Variants in AMD1 observed in about 807,000 individuals in gnomAD.
The protein encoded by AMD1 is adenosylmethionine decarboxylase 1.
Under a neutral mutation model 40.2 loss-of-function variants are expected in AMD1, and 11 were observed. That is an observed-to-expected ratio of 0.27 (90% CI 0.17 to 0.45). The LOEUF (loss-of-function observed/expected upper bound fraction) is 0.45. AMD1 is among the 20% of genes least tolerant of loss of function. The pLI is 1.00. For synonymous variants in AMD1, 121 were observed against 130.8 expected, an observed-to-expected ratio of 0.93 and a Z score of 0.51; for missense variants, 257 against 410.2, an observed-to-expected ratio of 0.63 and a Z score of 3.23.
At chr6:110,824,804 G>T in the AMD1 span, among the ~76,000 whole-genome samples, 5 of 152,174 alleles carry the variant, frequency 3.3e-5, no homozygotes. Context: ...TGGAAAGTAA[G>T]TAGAGTGAAC....
the AMD1 span, among the ~76,000 whole-genome samples, chr6:110,837,891 C>T: frequency 4.8e-5 from 7 of 144,844 alleles, no homozygotes; most frequent in Non-Finnish European, 9.1e-5. Context: ...GGTGAAGCCC[C>T]GTCTCTACTA....
At chr6:110,815,311 G>A in the AMD1 span, 3 of 585,202 alleles carry the variant, frequency 5.1e-6, no homozygotes, top group South Asian at 4.1e-5. Context: ...CTCCTCGGCG[G>A]CCACAGCAGC....
chr6:110,877,381 T>G (rs1785171725), intron 1 of AMD1, among the ~76,000 whole-genome samples: 1 of 152,250 alleles, frequency 6.6e-6, no homozygotes, highest in East Asian at 1.9e-4. Context: ...TAAAAAAGCC[T>G]GAAATAGTAG....
chr6:110,850,168 TA>T, the AMD1 span, among the ~76,000 whole-genome samples: 2 of 151,050 alleles, frequency 1.3e-5, no homozygotes, highest in African/African-American at 4.9e-5. Context: ...AAAATTAAAC[TA>T]AAAAAAAGAA....
chr6:110,870,982 A>T (rs1174742994), upstream of AMD1, among the ~76,000 whole-genome samples: 1 of 152,236 alleles, frequency 6.6e-6, no homozygotes, highest in Admixed American at 6.5e-5. Context: ...CATTTAAGCT[A>T]AGATCTAAAT....
the AMD1 span, among the ~76,000 whole-genome samples, chr6:110,833,117 G>A: frequency 1.3e-5 from 2 of 152,102 alleles, no homozygotes; most frequent in African/African-American, 2.4e-5. Context: ...CACCGTGCCC[G>A]GCTGATCCAC....
chr6:110,876,093 T>A (rs1399425411), intron 1 of AMD1, among the ~76,000 whole-genome samples: 2 of 152,172 alleles, frequency 1.3e-5, no homozygotes, highest in African/African-American at 2.4e-5. Context: ...AGCAAAGGAA[T>A]CTGGGGCCCA....
chr6:110,817,717 G>A, the AMD1 span, among the ~76,000 whole-genome samples: 2 of 152,172 alleles, frequency 1.3e-5, no homozygotes, highest in African/African-American at 4.8e-5. Flanking sequence ...TTCCATTGGG[G>A]AATTAAACCT....
chr6:110,845,596 C>T, the AMD1 span, among the ~76,000 whole-genome samples: 1 of 152,084 alleles, frequency 6.6e-6, no homozygotes, highest in African/African-American at 2.4e-5. Context: ...AGTTTAATAC[C>T]CTGCTGTTGG....
intron 8 of AMD1, 70 bp from the exon 9 acceptor site, chr6:110,893,406 C>T: frequency 1.3e-6 from 2 of 1,578,424 alleles, no homozygotes; most frequent in East Asian, 2.2e-5. Flanking sequence ...AAGTCTGTCA[C>T]TTAACTGTTT....
chr6:110,852,976 T>C, the AMD1 span, among the ~76,000 whole-genome samples: 3 of 147,282 alleles, frequency 2.0e-5, no homozygotes, highest in East Asian at 4.3e-4. Flanking sequence ...ATTGGCTAAT[T>C]AAGCACTTTT....
chr6:110,882,378 C>A (rs985037652), intron 1 of AMD1, among the ~76,000 whole-genome samples: 3 of 152,158 alleles, frequency 2.0e-5, no homozygotes, highest in Non-Finnish European at 2.9e-5. Context: ...GGCAGACAGT[C>A]TGTTGCAATT....
At chr6:110,837,751 T>TAA in the AMD1 span, among the ~76,000 whole-genome samples, 88 of 101,604 alleles carry the variant, frequency 8.7e-4, no homozygotes, top group African/African-American at 1.0e-3. Context: ...AAAAAATATA[T>TAA]ATATATATAT....
chr6:110,815,255 G>GCGCCGCC, the AMD1 span: 220 of 1,154,278 alleles, frequency 1.9e-4, 1 homozygote, highest in African/African-American at 1.7e-3. Flanking sequence ...GCGCGCGCGC[G>GCGCCGCC]CGCCGCCCGC....
At chr6:110,817,389 C>G in the AMD1 span, among the ~76,000 whole-genome samples, 9 of 152,292 alleles carry the variant, frequency 5.9e-5, no homozygotes, top group Admixed American at 5.9e-4. Flanking sequence ...GCGGGTGGAT[C>G]ACGAGGTCTG....
At chr6:110,842,298 C>G in the AMD1 span, among the ~76,000 whole-genome samples, 1 of 152,190 alleles carries the variant, frequency 6.6e-6, no homozygotes, top group Admixed American at 6.6e-5. Flanking sequence ...TGGTATATCC[C>G]TCCAGACCAG....
At chr6:110,818,894 A>T in the AMD1 span, among the ~76,000 whole-genome samples, 1 of 152,234 alleles carries the variant, frequency 6.6e-6, no homozygotes, top group African/African-American at 2.4e-5. Flanking sequence ...CTCAAATGAA[A>T]GTTTTTTTCT....
chr6:110,863,415 G>GCA, the AMD1 span, among the ~76,000 whole-genome samples: 1 of 149,802 alleles, frequency 6.7e-6, no homozygotes, highest in Non-Finnish European at 1.5e-5. Context: ...TGTCTCCCAG[G>GCA]CAGGAGTGAA....
At chr6:110,864,710 G>C in the AMD1 span, among the ~76,000 whole-genome samples, 4 of 152,328 alleles carry the variant, frequency 2.6e-5, no homozygotes, top group East Asian at 7.7e-4. Context: ...CAGTGGCCTA[G>C]AAAGACTAGG....
Sources: gnomAD v4.1 joint callset for allele counts (sites outside exome capture counted in the v4.1 genomes callset) on GRCh38, gnomAD v4.1.1 for gene constraint, MANE v1.5 for transcripts, NCBI Gene and HGNC (gene_info 2026-07-23, HGNC 2026-07-21) for gene names.